BFSP1: variants seen among roughly 807,000 people sequenced by gnomAD.
BFSP1 encodes filensin.
In BFSP1, 38 loss-of-function variants were observed where a neutral mutation model predicts 43.9. The observed-to-expected ratio is 0.87, with a 90% CI of 0.67 to 1.14. The LOEUF is 1.14. BFSP1 is among the 50% of genes most tolerant of loss of function. The pLI, the probability that BFSP1 is intolerant of heterozygous loss-of-function variation, is 0.00. For missense variants in BFSP1, 850 were observed against 875.1 expected, an observed-to-expected ratio of 0.97 and a Z score of 0.36; for synonymous variants, 352 against 354.8, an observed-to-expected ratio of 0.99 and a Z score of 0.09.
At chr20:17,531,524 C>T (rs1355132190), upstream of BFSP1, among the ~76,000 whole-genome samples, 3 of 152,246 alleles carry the variant, frequency 2.0e-5, no homozygotes, top group South Asian at 2.1e-4. Flanking sequence ...CTTTGTGCGG[C>T]GGATTAGCGG....
chr20:17,530,933 C>A lies in BFSP1; in HGVS notation c.377+20G>T. 7.1e-7 allele frequency: 1 copy of A among 1,399,562 alleles called. No individual in the cohort carries two copies. Among genetic ancestry groups the A allele is most frequent in the Non-Finnish European group, 9.3e-7 (1 of 1,079,556 alleles). 86.7% of individuals were successfully genotyped at this position (1,399,562 alleles called of 1,614,324 possible). ...ACGGCCCACGCCCTGCCTCGGTTTC[C>A]CCCGATGGCCGCCGCTTACTTGCTT... On this transcript the variant is annotated intron_variant, in intron 1 of 7. Transcript: ENST00000377873.
At position 17,525,716 on chromosome 20, in the gene BFSP1, G is replaced by A. The variant is rs1440663752; in HGVS notation, c.378-808C>T. Among the ~76,000 whole-genome samples the A allele has an allele frequency of 6.6e-6, 1 of 152,042 alleles. No homozygotes were observed. Among genetic ancestry groups the A allele is most frequent in the African/African-American group, 2.4e-5 (1 of 41,394 alleles). On this transcript the variant is annotated intron_variant, in intron 1 of 7. Coordinates refer to ENST00000377873, the MANE Select transcript of BFSP1 (RefSeq NM_001195.5). This position sits in a 1 kb window ranked among gnomAD's most constrained non-coding sequence, Gnocchi z 4.2. ...GACCCCTCCCCTTGTTCCCTATAAG[G>A]TGACCCCCAAATGCCCATTCTTGCT...
At position 17,514,141 on chromosome 20, in the gene BFSP1, G is replaced by T. The variant is rs576638131; in HGVS notation, c.534+580C>A. Among the ~76,000 whole-genome samples the T allele has an allele frequency of 7.4e-4, 112 of 152,220 alleles. 2 individuals are homozygous for T. Among genetic ancestry groups the T allele is most frequent in the Non-Finnish European group, 2.9e-5 (2 of 68,022 alleles). On this transcript the variant is annotated intron_variant, in intron 3 of 7. Transcript: ENST00000377873. ...AGGTCTGCTACACTACTTCACCCAC[G>T]TCACTGCTGGGAAGGAGAGCCTGCA...
intron 1 of BFSP1, among the ~76,000 whole-genome samples, chr20:17,546,129 A>G (rs908991336): frequency 6.6e-6 from 1 of 152,192 alleles, no homozygotes; most frequent in Non-Finnish European, 1.5e-5. Flanking sequence ...GGTAATTTAT[A>G]AAGGAAAGAG....
chr20:17,531,029 C>A lies in BFSP1; in HGVS notation c.301G>T (p.Asp101Tyr). 7.0e-7 allele frequency: 1 copy of A among 1,423,434 alleles called. No homozygotes were observed. Among genetic ancestry groups the A allele is most frequent in the Non-Finnish European group, 9.2e-7 (1 of 1,092,282 alleles). The allele number at this position is 1,423,434 out of a possible 1,614,324, so 88.2% of individuals were successfully genotyped here. The change falls in exon 1 of 8, where the codon GAC (aspartate) becomes TAC (tyrosine). Residue 101 changes from aspartate (D) to tyrosine (Y), a missense_variant. By Grantham distance (160) the Asp-to-Tyr change is radical. Transcript: ENST00000377873. ...AGCCGGGCGCGCTCGGCCTCCAGGT[C>A]CCGGACGCGCTGGCGGTTGCTCTCG... is the stretch of plus-strand genomic sequence containing the variant. ...QVESNRQRVR[D>Y]LEAERARLER...
chr20:17,518,446 A>G (rs538795774), intron 2 of BFSP1, among the ~76,000 whole-genome samples: 1 of 152,294 alleles, frequency 6.6e-6, no homozygotes, highest in Non-Finnish European at 1.5e-5. Context: ...ACTCAGCTAT[A>G]GCGTTTCTTC....
chr20:17,495,614 T>C (rs938805871), intron 7 of BFSP1, among the ~76,000 whole-genome samples: 10 of 151,770 alleles, frequency 6.6e-5, no homozygotes, highest in African/African-American at 2.4e-4. Context: ...AGCCTCCCCT[T>C]CCTCCCAGGC....
chr20:17,538,673 G>C (rs1010131704), intron 1 of BFSP1, among the ~76,000 whole-genome samples: 5 of 152,104 alleles, frequency 3.3e-5, no homozygotes, highest in Non-Finnish European at 5.9e-5. Context: ...AGACATTGTC[G>C]TACCAACTCA....
chr20:17,507,507 T>C lies in BFSP1; in HGVS notation c.735+1382A>G, dbSNP rs749146716. On this transcript the variant is annotated intron_variant, in intron 5 of 7. Coordinates refer to ENST00000377873, the MANE Select transcript of BFSP1 (RefSeq NM_001195.5). This position sits in a 1 kb window ranked among gnomAD's most constrained non-coding sequence, Gnocchi z 4.4. ...TTGTCACTAGCCATTTGGAAAACAC[T>C]GGTCTCTAGGACCACGACTGGGCTT... Among the ~76,000 whole-genome samples the C allele has an allele frequency of 9.9e-5, 15 of 152,124 alleles. No homozygotes were observed. Among genetic ancestry groups the C allele is most frequent in the Non-Finnish European group, 2.2e-4 (15 of 68,022 alleles).
chr20:17,545,846 G>T (rs2034791793), intron 1 of BFSP1, among the ~76,000 whole-genome samples: 1 of 152,218 alleles, frequency 6.6e-6, no homozygotes, highest in Non-Finnish European at 1.5e-5. Flanking sequence ...CGGCCCACCT[G>T]CACATTGGCA....
chr20:17,511,135 T>C (rs547182518), intron 4 of BFSP1, among the ~76,000 whole-genome samples: 3 of 152,072 alleles, frequency 2.0e-5, no homozygotes, highest in African/African-American at 4.8e-5. Flanking sequence ...ATATATATCA[T>C]GCTATGCATC....
chr20:17,497,461 C>T (rs201940), intron 6 of BFSP1, among the ~76,000 whole-genome samples: 1 of 145,918 alleles, frequency 6.9e-6, no homozygotes, highest in Non-Finnish European at 1.5e-5. Context: ...TATATATATA[C>T]ACACACACAC....
chr20:17,533,922 C>T (rs2034589467), upstream of BFSP1, among the ~76,000 whole-genome samples: 1 of 152,136 alleles, frequency 6.6e-6, no homozygotes, highest in African/African-American at 2.4e-5. Context: ...GTGCAGGAGG[C>T]GAATCCATAC....
intron 1 of BFSP1, among the ~76,000 whole-genome samples, chr20:17,554,598 A>G (rs1011173417): frequency 7.2e-5 from 11 of 152,210 alleles, no homozygotes; most frequent in African/African-American, 2.4e-4. Context: ...CAAGAAATTT[A>G]TTTGACATAT....
rs187411053 is a variant in BFSP1, at chr20:17,538,014, G to A, written c.3-13106C>T. Among the ~76,000 whole-genome samples, 1,091 of 122,610 alleles carry A rather than the reference G, an allele frequency of 8.9e-3. 17 individuals are homozygous for A. Among genetic ancestry groups the A allele is most frequent in the East Asian group, 0.02 (96 of 4,870 alleles). The allele number at this position is 122,610 out of a possible 152,430, so 80.4% of individuals were successfully genotyped here. ...CACATGTCTGTAGTTCCAGCTACTT[G>A]GGAGGCTGAGATGAGAGGATCACTT... On this transcript the variant is annotated intron_variant, in intron 1 of 7. Coordinates refer to the BFSP1 transcript ENST00000377868.
At chr20:17,508,771 G>A in intron 5 of BFSP1, 118 bp downstream of exon 5, 1 of 1,015,430 alleles carries the variant, frequency 9.8e-7, no homozygotes, top group Non-Finnish European at 1.4e-6. Flanking sequence ...TTTCTGCCAG[G>A]AACATAGGAT....
At chr20:17,509,869 A>G (rs1017250436) in intron 4 of BFSP1, among the ~76,000 whole-genome samples, 6 of 152,126 alleles carry the variant, frequency 3.9e-5, no homozygotes, top group African/African-American at 1.4e-4. Context: ...AAAATATTCA[A>G]ATTGTTTCAC....
chr20:17,519,548 A>T (rs2269049), intron 2 of BFSP1, among the ~76,000 whole-genome samples: 52,320 of 152,062 alleles, frequency 0.34, 9,035 homozygotes, highest in Middle Eastern at 0.42. Flanking sequence ...GGAACCTACC[A>T]TGGGCTTCTC....
chr20:17,510,742 G>A (rs2034057930), intron 4 of BFSP1, among the ~76,000 whole-genome samples: 1 of 152,138 alleles, frequency 6.6e-6, no homozygotes, highest in Non-Finnish European at 1.5e-5. Flanking sequence ...CCCACCTCCT[G>A]GGAAGCCCAT....
Sources: allele counts gnomAD v4.1 joint callset (sites outside exome capture counted in the v4.1 genomes callset), GRCh38; gene constraint gnomAD v4.1.1; non-coding constraint Gnocchi (gnomAD v3.1); transcripts MANE v1.5; gene names NCBI Gene and HGNC (gene_info 2026-07-23, HGNC 2026-07-21).